The following DRD2 variants were observed in gnomAD, a reference collection of about 807,000 sequenced individuals.
The protein encoded by DRD2 is dopamine receptor D2.
DRD2 carries 8 observed loss-of-function variants against 38.0 expected under a neutral mutation model. That is an observed-to-expected ratio of 0.21 (90% confidence interval 0.12 to 0.38). DRD2 has a LOEUF of 0.38. Among genes scored for constraint, DRD2 ranks in the 10% least tolerant of loss-of-function variants. The probability of loss-of-function intolerance (pLI) is 1.00; values close to 1 mark genes in which losing one functional copy is unlikely to be tolerated. For synonymous variants in DRD2, 230 were observed against 238.6 expected (o/e 0.96, Z 0.33); for missense variants, 403 against 607.7 (o/e 0.66, Z 3.54).
chr11:113,460,019 C>A (rs1951302907), intron 1 of DRD2, among the ~76,000 whole-genome samples: 1 of 152,248 alleles, frequency 6.6e-6, no homozygotes, highest in East Asian at 1.9e-4. Flanking sequence ...AGAAAGAAAT[C>A]TATGGGATTC....
intron 1 of DRD2, among the ~76,000 whole-genome samples, chr11:113,436,852 G>T (rs1291365682): frequency 6.6e-6 from 1 of 152,154 alleles, no homozygotes; most frequent in Non-Finnish European, 1.5e-5. Context: ...TTCTGATCAA[G>T]TTCTCTTATT....
rs750647475 is a variant in DRD2, at chr11:113,415,479, C to T, written c.665G>A (p.Arg222Gln). The change falls in exon 5 of 8, where the codon CGA (arginine) becomes CAA (glutamine). Residue 222 changes from arginine (R) to glutamine (Q), a missense_variant. Coordinates refer to ENST00000362072, the MANE Select transcript of DRD2 (RefSeq NM_000795.4). ...TCGGCTGCTGCGTTTGGTGTTGACT[C>T]GCTTGCGGCGTCTGCGGAGGACAAT... ...IYIVLRRRRKRVNTKRSSRAF... is the reference protein window; with the variant it reads ...IYIVLRRRRKQVNTKRSSRAF... 1.2e-5 allele frequency: 20 copies of T among 1,614,054 alleles called. No homozygotes were observed. Among genetic ancestry groups the T allele is most frequent in the East Asian group, 2.2e-5 (1 of 44,872 alleles).
intron 5 of DRD2, 58 bp from the exon 6 acceptor site, chr11:113,414,519 A>G: frequency 6.3e-7 from 1 of 1,576,202 alleles, no homozygotes; most frequent in Non-Finnish European, 8.7e-7. Flanking sequence ...GGGGGGACAG[A>G]AACCCAAAGT....
chr11:113,463,750 C>T (rs1951343726), intron 1 of DRD2, among the ~76,000 whole-genome samples: 1 of 152,146 alleles, frequency 6.6e-6, no homozygotes, highest in South Asian at 2.1e-4. Flanking sequence ...GAGGAATTTA[C>T]CATCTAGGGA....
intron 2 of DRD2, among the ~76,000 whole-genome samples, chr11:113,421,777 G>A (rs1458136947): frequency 1.3e-5 from 2 of 152,172 alleles, no homozygotes; most frequent in Admixed American, 6.5e-5. Flanking sequence ...ATCAGGGCAG[G>A]GTGAGACGTC....
chr11:113,426,395 T>C (rs1198233964), intron 1 of DRD2, among the ~76,000 whole-genome samples: 1 of 152,168 alleles, frequency 6.6e-6, no homozygotes, highest in African/African-American at 2.4e-5. Context: ...GATAATATAG[T>C]TGGCTTTTCA....
intron 1 of DRD2, among the ~76,000 whole-genome samples, chr11:113,437,895 G>A (rs1951053528): frequency 6.6e-6 from 1 of 152,162 alleles, no homozygotes; most frequent in Non-Finnish European, 1.5e-5. Flanking sequence ...CAGAGGAGGG[G>A]CAACATGGGC....
chr11:113,441,940 T>C (rs1951097286), intron 1 of DRD2, among the ~76,000 whole-genome samples: 1 of 147,898 alleles, frequency 6.8e-6, no homozygotes, highest in Non-Finnish European at 1.5e-5. Flanking sequence ...AGAGTGAGAC[T>C]CTGTCTCCAA....
intron 1 of DRD2, among the ~76,000 whole-genome samples, chr11:113,452,465 TGTGTGC>T (rs1246667156): frequency 6.5e-4 from 58 of 89,578 alleles, no homozygotes; most frequent in South Asian, 1.2e-3. Context: ...TGTGTGTGTG[TGTGTGC>T]GCGCGCGCGC....
intron 1 of DRD2, among the ~76,000 whole-genome samples, chr11:113,452,486 G>GCGCA (rs1555167797): frequency 5.5e-5 from 8 of 144,198 alleles, no homozygotes; most frequent in Non-Finnish European, 1.2e-4. Context: ...GCGCGCGCGC[G>GCGCA]CACATTGGGG....
intron 1 of DRD2, among the ~76,000 whole-genome samples, chr11:113,438,239 T>C (rs1338858968): frequency 6.6e-6 from 1 of 152,088 alleles, no homozygotes; most frequent in African/African-American, 2.4e-5. Flanking sequence ...TGGGTTCCAG[T>C]CCCACTTGGT....
chr11:113,455,405 T>G (rs927632421), intron 1 of DRD2, among the ~76,000 whole-genome samples: 5 of 152,062 alleles, frequency 3.3e-5, no homozygotes, highest in Admixed American at 2.6e-4. Context: ...TTGGCAATTA[T>G]TTTTTGCATA....
chr11:113,460,813 G>T (rs1422839279), intron 1 of DRD2, among the ~76,000 whole-genome samples: 1 of 152,224 alleles, frequency 6.6e-6, no homozygotes, highest in Non-Finnish European at 1.5e-5. Context: ...AAACTGGGAG[G>T]CTCCAGCATC....
intron 1 of DRD2, among the ~76,000 whole-genome samples, chr11:113,460,681 C>A (rs1300058779): frequency 1.3e-5 from 2 of 152,250 alleles, no homozygotes; most frequent in African/African-American, 2.4e-5. Flanking sequence ...GCCCTTTGCT[C>A]CTCTCCTCCC....
intron 4 of DRD2, among the ~76,000 whole-genome samples, chr11:113,416,255 T>C (rs1950825318): frequency 6.6e-6 from 1 of 152,196 alleles, no homozygotes; most frequent in Non-Finnish European, 1.5e-5. Flanking sequence ...TCTCCAGAGG[T>C]GCACACCTGC....
At chr11:113,435,688 G>A (rs2119829217) in intron 1 of DRD2, among the ~76,000 whole-genome samples, 1 of 145,068 alleles carries the variant, frequency 6.9e-6, no homozygotes, top group South Asian at 2.2e-4. Context: ...AAAAAATCTG[G>A]GAAGTTGAGC....
chr11:113,415,297 A>C lies in DRD2; in HGVS notation c.723+124T>G, dbSNP rs906015051. On this transcript the variant is annotated intron_variant, in intron 5 of 7. Coordinates refer to ENST00000362072, the MANE Select transcript of DRD2 (RefSeq NM_000795.4). ...AATCTGCCCTTGCCCGGCTCCTGGGAATTCCTTTAGCCTAGACCTAACCCT... is the reference window on the plus strand; with the variant it reads ...AATCTGCCCTTGCCCGGCTCCTGGGCATTCCTTTAGCCTAGACCTAACCCT... The C allele has an allele frequency of 2.2e-5, 28 of 1,268,702 alleles. No individual in the cohort carries two copies. The African/African-American group carries it at 3.7e-4, about 17-fold the overall frequency. The allele number at this position is 1,268,702 out of a possible 1,614,324, so 78.6% of individuals were successfully genotyped here. A position where few individuals can be genotyped will look rare whatever the true frequency, so the allele number is the denominator to read the frequency against.
At chr11:113,445,621 C>T (rs1037222163) in intron 1 of DRD2, among the ~76,000 whole-genome samples, 1 of 152,154 alleles carries the variant, frequency 6.6e-6, no homozygotes, top group African/African-American at 2.4e-5. Flanking sequence ...AGTATCTGTC[C>T]CACATGGTGC....
intron 4 of DRD2, 45 bp downstream of exon 4, chr11:113,416,818 G>C: frequency 6.2e-7 from 1 of 1,607,080 alleles, no homozygotes; most frequent in South Asian, 1.1e-5. Context: ...AGGGAGCAGG[G>C]GCCCAGGGCC....
Sources: allele counts gnomAD v4.1 joint callset (sites outside exome capture counted in the v4.1 genomes callset), GRCh38; gene constraint gnomAD v4.1.1; transcripts MANE v1.5; gene names NCBI Gene and HGNC (gene_info 2026-07-23, HGNC 2026-07-21).